Variants in PCTP observed in about 807,000 individuals in gnomAD.
The protein encoded by PCTP is phosphatidylcholine transfer protein, also known as START domain-containing protein 2.
In PCTP, 27 loss-of-function variants were observed where a neutral mutation model predicts 31.0. The ratio of observed to expected loss-of-function variants is 0.87; its 90% confidence interval spans 0.64 to 1.20. The LOEUF (loss-of-function observed/expected upper bound fraction) is 1.20, where lower values mean the gene tolerates loss of function less well. PCTP is among the 50% of genes most tolerant of loss of function. The pLI, the probability that PCTP is intolerant of heterozygous loss-of-function variation, is 0.00. For synonymous variants in PCTP, 108 were observed against 101.2 expected, an observed-to-expected ratio of 1.07 and a Z score of -0.40; for missense variants, 287 against 268.2, an observed-to-expected ratio of 1.07 and a Z score of -0.49.
chr17:55,840,855 T>A (rs116363108), intron 5 of PCTP, among the ~76,000 whole-genome samples: 2,592 of 152,322 alleles, frequency 0.017, 73 homozygotes, highest in African/African-American at 0.059. Context: ...TTGGAGCATT[T>A]TAGATTCTGG....
intron 3 of PCTP, among the ~76,000 whole-genome samples, chr17:55,815,128 G>GT (rs1912876129): frequency 6.6e-6 from 1 of 152,130 alleles, no homozygotes; most frequent in Admixed American, 6.5e-5. Flanking sequence ...GAAGTTCAAT[G>GT]TTATGCACAA....
chr17:55,802,181 C>T (rs1912407562), intron 3 of PCTP, among the ~76,000 whole-genome samples: 1 of 152,130 alleles, frequency 6.6e-6, no homozygotes, highest in Non-Finnish European at 1.5e-5. Flanking sequence ...TGTTAAATCC[C>T]TGAATAGACC....
intron 5 of PCTP, among the ~76,000 whole-genome samples, chr17:55,836,421 G>A (rs142179810): frequency 6.8e-4 from 103 of 152,294 alleles, no homozygotes; most frequent in Admixed American, 9.8e-4. Context: ...CCAAAGACAA[G>A]GTTGAGTCAG....
chr17:55,753,794 G>A (rs1398401647), intron 1 of PCTP, among the ~76,000 whole-genome samples: 1 of 152,180 alleles, frequency 6.6e-6, no homozygotes, highest in Non-Finnish European at 1.5e-5. Flanking sequence ...AAAGTCAGTG[G>A]CATATACAAA....
intron 5 of PCTP, among the ~76,000 whole-genome samples, chr17:55,837,074 A>T (rs1195084801): frequency 1.3e-5 from 2 of 152,046 alleles, no homozygotes; most frequent in Non-Finnish European, 2.9e-5. Context: ...TATGGTAGTT[A>T]CAGGAAGCAG....
At chr17:55,809,523 C>CTTT (rs1433337764) in intron 3 of PCTP, among the ~76,000 whole-genome samples, 3 of 128,764 alleles carry the variant, frequency 2.3e-5, no homozygotes, top group African/African-American at 9.9e-5. Flanking sequence ...TTCTCAGAGT[C>CTTT]TTTTTTTTTT....
chr17:55,772,611 T>C (rs972869051), intron 3 of PCTP, among the ~76,000 whole-genome samples: 1 of 147,372 alleles, frequency 6.8e-6, no homozygotes, highest in Non-Finnish European at 1.5e-5. Context: ...CTGAGGTGGG[T>C]GGAGGCTGAG....
intron 3 of PCTP, among the ~76,000 whole-genome samples, chr17:55,807,901 A>T (rs16956426): frequency 6.6e-6 from 1 of 152,136 alleles, no homozygotes; most frequent in Non-Finnish European, 1.5e-5. Context: ...GCATTTTCAC[A>T]TTCATTATCT....
At chr17:55,754,134 T>C (rs1909864353) in intron 1 of PCTP, among the ~76,000 whole-genome samples, 1 of 152,164 alleles carries the variant, frequency 6.6e-6, no homozygotes, top group Admixed American at 6.5e-5. Context: ...TGTCCTCCTG[T>C]TCAGTGTTGA....
downstream of PCTP, among the ~76,000 whole-genome samples, chr17:55,827,917 A>T (rs765028055): frequency 1.3e-5 from 2 of 152,104 alleles, no homozygotes; most frequent in African/African-American, 2.4e-5. Context: ...GTCCTGTAAA[A>T]CCACTGTTAC....
chr17:55,757,567 G>A (rs1410429096), intron 1 of PCTP, among the ~76,000 whole-genome samples: 2 of 42,190 alleles, frequency 4.7e-5, no homozygotes, highest in Admixed American at 4.5e-4. Context: ...ATATGTGTGT[G>A]TGTATATATA....
chr17:55,752,386 A>T (rs1393676221), intron 1 of PCTP, among the ~76,000 whole-genome samples: 1 of 152,216 alleles, frequency 6.6e-6, no homozygotes, highest in Non-Finnish European at 1.5e-5. Context: ...TCTGTCAGAT[A>T]TGTGTGAAAA....
At chr17:55,844,378 C>T (rs922741779), downstream of PCTP, among the ~76,000 whole-genome samples, 1 of 152,152 alleles carries the variant, frequency 6.6e-6, no homozygotes, top group Non-Finnish European at 1.5e-5. Flanking sequence ...AAGCTGACCT[C>T]CATTGCTACA....
At chr17:55,844,953 G>A (rs1397791846), downstream of PCTP, among the ~76,000 whole-genome samples, 1 of 151,524 alleles carries the variant, frequency 6.6e-6, no homozygotes, top group African/African-American at 2.4e-5. Context: ...CGGGCTTGGT[G>A]GCACATACCT....
At chr17:55,799,191 T>G (rs9901255) in intron 3 of PCTP, among the ~76,000 whole-genome samples, 32,542 of 151,788 alleles carry the variant, frequency 0.21, 4,144 homozygotes, top group African/African-American at 0.36. Flanking sequence ...AATGTAAGTG[T>G]GTTAACTATT....
At chr17:55,826,670 G>T (rs1411029590), downstream of PCTP, among the ~76,000 whole-genome samples, 1 of 152,162 alleles carries the variant, frequency 6.6e-6, no homozygotes, top group Non-Finnish European at 1.5e-5. Context: ...AACCTTCCCA[G>T]ATGCCTTTGC....
At chr17:55,816,038 A>G (rs1333421348) in intron 3 of PCTP, among the ~76,000 whole-genome samples, 1 of 152,118 alleles carries the variant, frequency 6.6e-6, no homozygotes, top group Non-Finnish European at 1.5e-5. Context: ...AATTACTAAC[A>G]TTTCCTCTCT....
intron 3 of PCTP, among the ~76,000 whole-genome samples, chr17:55,800,599 A>G (rs1020572113): frequency 1.1e-4 from 16 of 151,944 alleles, no homozygotes; most frequent in African/African-American, 3.9e-4. Flanking sequence ...CTCATTCTCC[A>G]TCCAGTTTTG....
rs566836290 is a variant in PCTP at position 55,817,323 on chromosome 17, G to A, written c.318-5438G>A. 4.1e-4 allele frequency among the ~76,000 whole-genome samples: 62 copies of A among 152,348 alleles called. No homozygotes were observed. In the South Asian group the frequency reaches 0.011, roughly 28 times the overall value. The stretch of plus-strand genomic sequence containing the variant: ...GGAGGAGAAGGCAAAAAGTAGCTGT[G>A]CTAAAACTTTGCTCTAAGAGTTGCC... On this transcript the variant is annotated intron_variant, in intron 3 of 3. Coordinates refer to the PCTP transcript ENST00000572536.
Sources: gnomAD v4.1 joint callset for allele counts (sites outside exome capture counted in the v4.1 genomes callset) on GRCh38, gnomAD v4.1.1 for gene constraint, MANE v1.5 for transcripts, NCBI Gene and HGNC (gene_info 2026-07-23, HGNC 2026-07-21) for gene names.